P2RY14: variants seen among roughly 807,000 people sequenced by gnomAD.
P2RY14 encodes the protein P2Y purinoceptor 14.
P2RY14 carries 2 observed loss-of-function variants against 0.9 expected under a neutral mutation model. The observed-to-expected ratio is 2.16, with a 90% CI of 0.88 to 6.79. P2RY14 has a LOEUF of 6.79. Among genes scored for constraint, P2RY14 ranks in the 30% most tolerant of loss-of-function variants. The pLI is 0.05. For synonymous variants in P2RY14, 158 were observed against 147.2 expected, an observed-to-expected ratio of 1.07 and a Z score of -0.53; for missense variants, 378 against 400.1, an observed-to-expected ratio of 0.94 and a Z score of 0.47.
chr3:151,226,723 C>A (rs958356919), intron 1 of P2RY14, among the ~76,000 whole-genome samples: 1 of 152,148 alleles, frequency 6.6e-6, no homozygotes, highest in African/African-American at 2.4e-5. Context: ...CCTTCAGTTT[C>A]TTCAGTTATC....
chr3:151,240,747 T>G (rs1167724924), intron 1 of P2RY14, among the ~76,000 whole-genome samples: 3 of 152,270 alleles, frequency 2.0e-5, no homozygotes, highest in Admixed American at 6.5e-5. Context: ...ACCAGTTTTG[T>G]GCACTCTTGC....
rs201120963 is a variant in P2RY14, at chr3:151,219,904, CCT to C, written c.-132-264_-132-263del. Among the ~76,000 whole-genome samples the C allele has an allele frequency of 1.3e-3, 120 of 90,542 alleles. 1 individual carries two copies. The Admixed American group carries it at 0.014, about 10-fold the overall frequency. 59.4% of individuals were successfully genotyped at this position (90,542 alleles called of 152,430 possible). A position where few individuals can be genotyped will look rare whatever the true frequency, so the allele number is the denominator to read the frequency against. ...TTGGTTTATATTACCCCCCCCCCCC[CCT>C]TGGATATGGATGATCGAATCAATTT... On this transcript the variant is annotated intron_variant, in intron 1 of 2. Coordinates refer to ENST00000309170, the MANE Select transcript of P2RY14 (RefSeq NM_014879.4).
At position 151,212,499 on chromosome 3, in the gene P2RY14, T is replaced by C. The variant is rs1576983980; in HGVS notation, c.*801A>G. On this transcript the variant is annotated 3_prime_UTR_variant, in exon 3 of 3. Coordinates refer to ENST00000309170, the MANE Select transcript of P2RY14 (RefSeq NM_014879.4). ...GGGTGTGTCTTTTTCCCAGTCATCTTATTTTTCCCATACTATTGAACAGGG... is the reference window on the plus strand; with the variant it reads ...GGGTGTGTCTTTTTCCCAGTCATCTCATTTTTCCCATACTATTGAACAGGG... 6.6e-6 allele frequency: 1 copy of C among 152,324 alleles called. No homozygotes were observed. Among genetic ancestry groups the C allele is most frequent in the South Asian group, 2.1e-4 (1 of 4,830 alleles). 9.4% of individuals were successfully genotyped at this position (152,324 alleles called of 1,614,324 possible).
chr3:151,217,603 G>T (rs1728496653), intron 2 of P2RY14, among the ~76,000 whole-genome samples: 1 of 152,194 alleles, frequency 6.6e-6, no homozygotes, highest in Non-Finnish European at 1.5e-5. Context: ...CCAGTTTAGG[G>T]TGGGAGGTTT....
intron 1 of P2RY14, among the ~76,000 whole-genome samples, chr3:151,262,007 A>G (rs548328400): frequency 2.6e-5 from 4 of 152,284 alleles, no homozygotes; most frequent in East Asian, 1.9e-4. Context: ...GATTACAGGT[A>G]TGTGCCACTG....
At chr3:151,275,394 A>T (rs545772020) in intron 1 of P2RY14, among the ~76,000 whole-genome samples, 1 of 152,184 alleles carries the variant, frequency 6.6e-6, no homozygotes, top group East Asian at 1.9e-4. Flanking sequence ...GGGTCAGAAC[A>T]TGATATCTAA....
intron 1 of P2RY14, among the ~76,000 whole-genome samples, chr3:151,230,570 C>G (rs1375896152): frequency 7.2e-6 from 1 of 139,458 alleles, no homozygotes; most frequent in African/African-American, 2.6e-5. Context: ...TTACTCCACG[C>G]TTTTTTTTTT....
intron 1 of P2RY14, among the ~76,000 whole-genome samples, chr3:151,241,317 G>C (rs562970611): frequency 3.2e-4 from 49 of 152,258 alleles, no homozygotes; most frequent in African/African-American, 1.1e-3. Flanking sequence ...ATATGTATTT[G>C]TATCAATATC....
chr3:151,232,667 T>G (rs1731925174), intron 1 of P2RY14, among the ~76,000 whole-genome samples: 1 of 152,194 alleles, frequency 6.6e-6, no homozygotes, highest in Non-Finnish European at 1.5e-5. Flanking sequence ...ACCATTATCC[T>G]TAGTAAACTA....
intron 1 of P2RY14, among the ~76,000 whole-genome samples, chr3:151,241,415 A>G (rs568157353): frequency 2.6e-4 from 40 of 152,296 alleles, no homozygotes; most frequent in Admixed American, 2.2e-3. Context: ...TCCTCAGGCT[A>G]TCTTGAATTC....
At chr3:151,242,297 C>T (rs1297377714) in intron 1 of P2RY14, among the ~76,000 whole-genome samples, 4 of 152,248 alleles carry the variant, frequency 2.6e-5, no homozygotes, top group Non-Finnish European at 5.9e-5. Context: ...CTGCCTGCCT[C>T]TCTAGGCTCC....
At chr3:151,267,897 T>C (rs1384721746) in intron 1 of P2RY14, among the ~76,000 whole-genome samples, 1 of 152,172 alleles carries the variant, frequency 6.6e-6, no homozygotes, top group African/African-American at 2.4e-5. Flanking sequence ...TTTTAAAATT[T>C]CTTTGTACGT....
chr3:151,264,954 A>G (rs1739558570), intron 1 of P2RY14, among the ~76,000 whole-genome samples: 1 of 152,140 alleles, frequency 6.6e-6, no homozygotes, highest in South Asian at 2.1e-4. Context: ...CACTTCAAAG[A>G]TAACACACCC....
chr3:151,270,510 G>A (rs1740743383), intron 1 of P2RY14, among the ~76,000 whole-genome samples: 1 of 152,182 alleles, frequency 6.6e-6, no homozygotes, highest in Admixed American at 6.5e-5. Flanking sequence ...TTAGTGCACA[G>A]AATTTTAGCG....
At chr3:151,248,295 A>T (rs1192263811) in intron 1 of P2RY14, among the ~76,000 whole-genome samples, 1 of 152,056 alleles carries the variant, frequency 6.6e-6, no homozygotes, top group Non-Finnish European at 1.5e-5. Flanking sequence ...ATAAATTGTG[A>T]CTCACCATTA....
chr3:151,246,304 T>C (rs1408124206), intron 1 of P2RY14, among the ~76,000 whole-genome samples: 8 of 150,546 alleles, frequency 5.3e-5, no homozygotes, highest in East Asian at 1.9e-4. Context: ...AAAGAGCCCG[T>C]ATCGCCAAGT....
chr3:151,214,192 A>G lies in P2RY14; in HGVS notation c.125T>C (p.Val42Ala), dbSNP rs1727724788. Residue 42 changes from valine to alanine, a missense_variant, in exon 3 of 3, where the codon GTG (valine) becomes GCG (alanine). By Grantham distance (64) the Val-to-Ala change is moderately conservative. Coordinates refer to ENST00000309170, the MANE Select transcript of P2RY14 (RefSeq NM_014879.4). The part of the protein sequence containing the change: ...VFIAGILLNG[V>A]SGWIFFYVPS... ...CACGTAAAAGAATATCCATCCTGAC[A>G]CTCCATTGAGTAGGATTCCTGCAAT... 3 of 1,614,000 alleles carry G rather than the reference A, an allele frequency of 1.9e-6. No homozygotes were observed. Among genetic ancestry groups the G allele is most frequent in the Non-Finnish European group, 2.5e-6 (3 of 1,179,922 alleles).
chr3:151,219,902 C>A (rs1313446670), intron 1 of P2RY14, among the ~76,000 whole-genome samples: 1 of 141,212 alleles, frequency 7.1e-6, no homozygotes, highest in South Asian at 2.6e-4. Context: ...CCCCCCCCCC[C>A]CCCTTGGATA....
At chr3:151,262,051 A>G (rs968887126) in intron 1 of P2RY14, among the ~76,000 whole-genome samples, 7 of 152,220 alleles carry the variant, frequency 4.6e-5, no homozygotes, top group Admixed American at 2.6e-4. Context: ...TTTAACAAAC[A>G]TGTTAAAGTT....
Sources: allele counts gnomAD v4.1 joint callset (sites outside exome capture counted in the v4.1 genomes callset), GRCh38; gene constraint gnomAD v4.1.1; transcripts MANE v1.5; gene names NCBI Gene and HGNC (gene_info 2026-07-23, HGNC 2026-07-21).